RTF1: variants seen among roughly 807,000 people sequenced by gnomAD.
RTF1 encodes the protein RNA polymerase-associated protein RTF1 homolog.
In RTF1, 10 loss-of-function variants were observed where a neutral mutation model predicts 95.7. That is an observed-to-expected ratio of 0.10 (90% CI 0.06 to 0.18). RTF1 has a LOEUF of 0.18. Among genes scored for constraint, RTF1 ranks in the 10% least tolerant of loss-of-function variants. The probability of loss-of-function intolerance (pLI) is 1.00; values close to 1 mark genes in which losing one functional copy is unlikely to be tolerated. For missense variants in RTF1, 458 were observed against 875.6 expected, an observed-to-expected ratio of 0.52 and a Z score of 6.02; for synonymous variants, 305 against 311.8, an observed-to-expected ratio of 0.98 and a Z score of 0.23.
At chr15:41,452,824 A>G (rs975532075) in intron 2 of RTF1, 77 bp from the exon 3 acceptor site, 61 of 1,055,396 alleles carry the variant, frequency 5.8e-5, no homozygotes, top group Non-Finnish European at 7.8e-5. Context: ...AGAGACTCTT[A>G]ACTCTTGAGT....
At position 41,422,498 on chromosome 15, in the gene RTF1, A is replaced by T. The variant is rs575507716; in HGVS notation, c.198+5185A>T. Among the ~76,000 whole-genome samples, 322 of 152,318 alleles carry T rather than the reference A, an allele frequency of 2.1e-3. 1 individual carries two copies. Among genetic ancestry groups the T allele is most frequent in the African/African-American group, 7.3e-3 (303 of 41,570 alleles). Reference sequence around the variant, plus strand: ...CTATGTCATCTCCCTTTATGGAATAATATTTATGCAGTAAGTCCTATAAAA... The same window carrying T: ...CTATGTCATCTCCCTTTATGGAATATTATTTATGCAGTAAGTCCTATAAAA... On this transcript the variant is annotated intron_variant, in intron 1 of 17. Coordinates refer to ENST00000389629, the MANE Select transcript of RTF1 (RefSeq NM_015138.5).
rs186454635 is a variant in RTF1 at position 41,460,940 on chromosome 15, G to C, written c.662+3064G>C. 6.7e-4 allele frequency among the ~76,000 whole-genome samples: 99 copies of C among 148,258 alleles called. 1 individual carries two copies. Among genetic ancestry groups the C allele is most frequent in the African/African-American group, 2.3e-3 (93 of 40,134 alleles). On this transcript the variant is annotated intron_variant, in intron 4 of 17. Coordinates refer to ENST00000389629, the MANE Select transcript of RTF1 (RefSeq NM_015138.5). ...TGCCCAGGGTGGAATGCAGTGACACGATCTTGGCTCACTGCAACCTCCGCC... is the reference window on the plus strand; with the variant it reads ...TGCCCAGGGTGGAATGCAGTGACACCATCTTGGCTCACTGCAACCTCCGCC...
chr15:41,421,675 A>G (rs1425059113), intron 1 of RTF1, among the ~76,000 whole-genome samples: 1 of 148,740 alleles, frequency 6.7e-6, no homozygotes, highest in African/African-American at 2.5e-5. Flanking sequence ...AAAGAACTTG[A>G]CAGGGAGGTT....
intron 1 of RTF1, among the ~76,000 whole-genome samples, chr15:41,424,419 C>T (rs1471662136): frequency 2.0e-5 from 3 of 152,070 alleles, no homozygotes; most frequent in Admixed American, 6.6e-5. Flanking sequence ...GGAAGGACCT[C>T]GAACCCTTAT....
At chr15:41,439,520 A>G (rs1310166490) in intron 2 of RTF1, among the ~76,000 whole-genome samples, 1 of 152,224 alleles carries the variant, frequency 6.6e-6, no homozygotes, top group African/African-American at 2.4e-5. Flanking sequence ...TTCATTGTCT[A>G]GACCAAGGTC....
At chr15:41,457,237 A>G (rs1477663847) in intron 3 of RTF1, among the ~76,000 whole-genome samples, 2 of 152,102 alleles carry the variant, frequency 1.3e-5, no homozygotes, top group African/African-American at 4.8e-5. Flanking sequence ...CCCCAATTCT[A>G]TTTAAAAAGT....
At chr15:41,449,571 G>T (rs192326511) in intron 2 of RTF1, among the ~76,000 whole-genome samples, 39 of 152,104 alleles carry the variant, frequency 2.6e-4, no homozygotes, top group African/African-American at 8.9e-4. Context: ...TCCAACTCCT[G>T]TGTTCAAGTG....
Position 41,480,960 on chromosome 15 carries a change from T to G in RTF1, c.*273T>G. 1 of 433,606 alleles carries G rather than the reference T, an allele frequency of 2.3e-6. No individual in the cohort carries two copies. Among genetic ancestry groups the G allele is most frequent in the Non-Finnish European group, 4.2e-6 (1 of 235,636 alleles). The allele number at this position is 433,606 out of a possible 1,614,324, so 26.9% of individuals were successfully genotyped here. A position where few individuals can be genotyped will look rare whatever the true frequency, so the allele number is the denominator to read the frequency against. On this transcript the variant is annotated 3_prime_UTR_variant, in exon 18 of 18. Transcript: ENST00000389629. ...CATGTCTTTAGATTTGTGTTTGCCTTTTGTTTTTTTAACCGCGCAGTTCAT... is the reference window on the plus strand; with the variant it reads ...CATGTCTTTAGATTTGTGTTTGCCTGTTGTTTTTTTAACCGCGCAGTTCAT...
chr15:41,454,366 C>T (rs1271943378), intron 3 of RTF1, among the ~76,000 whole-genome samples: 1 of 152,080 alleles, frequency 6.6e-6, no homozygotes, highest in African/African-American at 2.4e-5. Context: ...GCTGGGATTA[C>T]AGGTGTGAGC....
chr15:41,469,473 C>T (rs1027790611), intron 6 of RTF1, among the ~76,000 whole-genome samples: 7 of 151,260 alleles, frequency 4.6e-5, no homozygotes, highest in Admixed American at 2.0e-4. Context: ...CTACCCACCT[C>T]GACCTCCCAA....
At chr15:41,462,216 T>C (rs2050853110) in intron 4 of RTF1, among the ~76,000 whole-genome samples, 1 of 152,212 alleles carries the variant, frequency 6.6e-6, no homozygotes, top group Non-Finnish European at 1.5e-5. Context: ...TTTTTTACTT[T>C]AAAAGCTCTT....
At chr15:41,456,107 G>A (rs564555461) in intron 3 of RTF1, among the ~76,000 whole-genome samples, 57 of 151,882 alleles carry the variant, frequency 3.8e-4, no homozygotes, top group South Asian at 2.3e-3. Flanking sequence ...TTGGGAGGCT[G>A]AGGCAGGAGA....
intron 2 of RTF1, among the ~76,000 whole-genome samples, chr15:41,449,545 G>A (rs1409113884): frequency 6.6e-6 from 1 of 151,924 alleles, no homozygotes; most frequent in East Asian, 1.9e-4. Context: ...GTCTTGCTAT[G>A]TTTCACAGGG....
chr15:41,453,670 T>A (rs1244195664), intron 3 of RTF1, among the ~76,000 whole-genome samples: 3 of 151,338 alleles, frequency 2.0e-5, no homozygotes. Flanking sequence ...GAGGTTACTG[T>A]GAGCTATGAT....
At chr15:41,469,944 CCT>C (rs921887467) in intron 6 of RTF1, among the ~76,000 whole-genome samples, 4 of 152,170 alleles carry the variant, frequency 2.6e-5, no homozygotes, top group Non-Finnish European at 4.4e-5. Flanking sequence ...AGTCTTTCCC[CCT>C]CTTTCCTCCC....
At chr15:41,434,954 C>A (rs943119688) in intron 1 of RTF1, among the ~76,000 whole-genome samples, 25 of 147,434 alleles carry the variant, frequency 1.7e-4, no homozygotes, top group African/African-American at 5.9e-4. Flanking sequence ...ACTTTAGTTA[C>A]AGTAACTCTT....
At chr15:41,437,194 T>C (rs1409111169) in intron 1 of RTF1, among the ~76,000 whole-genome samples, 1 of 151,752 alleles carries the variant, frequency 6.6e-6, no homozygotes, top group Non-Finnish European at 1.5e-5. Flanking sequence ...ATCAGATGTT[T>C]AGAAAAGTAC....
At position 41,482,704 on chromosome 15, in the gene RTF1, C is replaced by G. The variant is rs966583869; in HGVS notation, c.*2017C>G. On this transcript the variant is annotated 3_prime_UTR_variant, in exon 18 of 18. Coordinates refer to ENST00000389629, the MANE Select transcript of RTF1 (RefSeq NM_015138.5). ...ATATATACTTGAATAGTCCATTGAC[C>G]GAAACTCTTTATAGACTATTGTGTA... The G allele has an allele frequency of 6.6e-6, 1 of 152,426 alleles. No homozygotes were observed. The highest frequency in any genetic ancestry group is 6.6e-5 in the Admixed American group (1 of 15,260). 9.4% of individuals were successfully genotyped at this position (152,426 alleles called of 1,614,324 possible).
At chr15:41,480,064 G>A in intron 16 of RTF1, 150 bp from the exon 17 acceptor site, 2 of 606,434 alleles carry the variant, frequency 3.3e-6, no homozygotes, top group South Asian at 3.9e-5. Context: ...CTTTGTCTGT[G>A]GCCTCCCTCT....
Sources: allele counts gnomAD v4.1 joint callset (sites outside exome capture counted in the v4.1 genomes callset), GRCh38; gene constraint gnomAD v4.1.1; transcripts MANE v1.5; gene names NCBI Gene and HGNC (gene_info 2026-07-23, HGNC 2026-07-21).